The following BTBD9 variants were observed in gnomAD, a reference collection of about 807,000 sequenced individuals.
BTBD9 encodes BTB domain containing 9, also known as BTB/POZ domain-containing protein 9.
A neutral mutation model predicts 64.3 loss-of-function variants in BTBD9; 49 were observed. That is an observed-to-expected ratio of 0.76 (90% CI 0.61 to 0.97). The LOEUF (loss-of-function observed/expected upper bound fraction) is 0.97. Among genes scored for constraint, BTBD9 ranks in the 50% least tolerant of loss-of-function variants. The pLI, the probability that BTBD9 is intolerant of heterozygous loss-of-function variation, is 0.00. For synonymous variants in BTBD9, 260 were observed against 274.7 expected (o/e 0.95, Z 0.53); for missense variants, 598 against 762.1 (o/e 0.78, Z 2.53).
At chr6:38,307,470 C>G (rs12529549) in intron 7 of BTBD9, among the ~76,000 whole-genome samples, 15,105 of 152,210 alleles carry the variant, frequency 0.099, 1,789 homozygotes, top group East Asian at 0.41. Flanking sequence ...GTTTCCCCCA[C>G]CTGCTTCTGT....
Position 38,354,634 on chromosome 6 carries a change from C to G in BTBD9, c.1155-9541G>C, listed in dbSNP as rs188878814. Reference sequence around the variant, plus strand: ...ATTGAAGTCCCACCTATGCCACATACTATCCCTAGACTGCTTCAATTTTCA... The same window carrying G: ...ATTGAAGTCCCACCTATGCCACATAGTATCCCTAGACTGCTTCAATTTTCA... On this transcript the variant is annotated intron_variant, in intron 6 of 10. Transcript: ENST00000481247. Among the ~76,000 whole-genome samples, 271 of 152,212 alleles carry G rather than the reference C, an allele frequency of 1.8e-3. 1 individual carries two copies. The highest frequency in any genetic ancestry group is 5.9e-3 in the African/African-American group (247 of 41,540).
At chr6:38,490,285 A>C (rs1375754168) in intron 6 of BTBD9, among the ~76,000 whole-genome samples, 2 of 152,174 alleles carry the variant, frequency 1.3e-5, no homozygotes, top group Non-Finnish European at 2.9e-5. Flanking sequence ...ACAAAATGAA[A>C]GGTATGGACA....
At chr6:38,535,850 T>C (rs912738042) in intron 6 of BTBD9, among the ~76,000 whole-genome samples, 9 of 151,998 alleles carry the variant, frequency 5.9e-5, no homozygotes, top group African/African-American at 2.4e-5. Context: ...CAAGTCAAAA[T>C]GGATTAAAGA....
intron 7 of BTBD9, among the ~76,000 whole-genome samples, chr6:38,311,393 T>G (rs965784124): frequency 6.6e-6 from 1 of 152,182 alleles, no homozygotes; most frequent in Non-Finnish European, 1.5e-5. Flanking sequence ...TCCACGTTGT[T>G]GCAAATGACA....
At chr6:38,605,501 T>C (rs1364773685) in intron 1 of BTBD9, among the ~76,000 whole-genome samples, 2 of 152,218 alleles carry the variant, frequency 1.3e-5, no homozygotes, top group Admixed American at 1.3e-4. Context: ...TCCTTACTTG[T>C]GCATGGGAAG....
At chr6:38,291,498 C>G (rs1464826712) in intron 7 of BTBD9, among the ~76,000 whole-genome samples, 1 of 152,118 alleles carries the variant, frequency 6.6e-6, no homozygotes, top group Non-Finnish European at 1.5e-5. Flanking sequence ...CTTTCTCTAG[C>G]CTGATTGCCC....
At position 38,594,275 on chromosome 6, in the gene BTBD9, G is replaced by A. The variant is rs759613231; in HGVS notation, c.238C>T (p.Leu80Phe). 4 of 1,614,104 alleles carry A rather than the reference G, an allele frequency of 2.5e-6. No individual in the cohort carries two copies. Among genetic ancestry groups the A allele is most frequent in the Non-Finnish European group, 2.5e-6 (3 of 1,179,946 alleles). ...AATGCTTCTGCAGTGGTGTCTTGGA[G>A]AGGAATTTCTGCTTCAGGCTGAGAC... ...RESQPEAEIP[L>F]QDTTAEAFTM... Residue 80 changes from leucine to phenylalanine, a missense_variant, in exon 3 of 11, where the codon CTC becomes TTC. Coordinates refer to ENST00000481247, the MANE Select transcript of BTBD9 (RefSeq NM_001099272.2).
intron 9 of BTBD9, among the ~76,000 whole-genome samples, chr6:38,195,993 T>C (rs969009689): frequency 1.3e-5 from 2 of 152,248 alleles, no homozygotes; most frequent in African/African-American, 4.8e-5. Context: ...TCTTGCCTAT[T>C]GTCCAAGGAT....
At chr6:38,368,687 C>T (rs1454661995) in intron 6 of BTBD9, among the ~76,000 whole-genome samples, 3 of 152,066 alleles carry the variant, frequency 2.0e-5, no homozygotes, top group South Asian at 2.1e-4. Flanking sequence ...AGTTATGAAC[C>T]CCCTTCTTGC....
chr6:38,436,525 G>A (rs921906892), intron 6 of BTBD9, among the ~76,000 whole-genome samples: 9 of 151,572 alleles, frequency 5.9e-5, no homozygotes, highest in Admixed American at 3.3e-4. Context: ...ATAGGCGTGC[G>A]AAACCACGCC....
intron 6 of BTBD9, among the ~76,000 whole-genome samples, chr6:38,375,233 G>C (rs1323437484): frequency 6.6e-6 from 1 of 152,096 alleles, no homozygotes; most frequent in African/African-American, 2.4e-5. Context: ...ACACAGACTT[G>C]GTCAAAGTCA....
chr6:38,203,248 T>C (rs895996662), intron 9 of BTBD9, among the ~76,000 whole-genome samples: 3 of 152,196 alleles, frequency 2.0e-5, no homozygotes, highest in African/African-American at 7.2e-5. Context: ...ACAGAAACCA[T>C]GGAAAACAGT....
intron 9 of BTBD9, among the ~76,000 whole-genome samples, chr6:38,238,824 C>G (rs1561912650): frequency 1.3e-5 from 2 of 152,084 alleles, no homozygotes; most frequent in Admixed American, 6.5e-5. Flanking sequence ...AGGTTTCAGA[C>G]AGAATAGACT....
chr6:38,432,941 T>A (rs1239841464), intron 6 of BTBD9, among the ~76,000 whole-genome samples: 4 of 152,036 alleles, frequency 2.6e-5, no homozygotes, highest in Non-Finnish European at 5.9e-5. Context: ...GTGAATTGGT[T>A]TTCTCTGTGC....
In BTBD9 at chr6:38,289,347, C is replaced by G. The variant is rs149341107; in HGVS notation, c.1265-886G>C. ...CGAGGTCATGCCACTGTCCTCCAGC[C>G]TTAATAACACGGTGAGACTCCCTCT... is the stretch of plus-strand genomic sequence containing the variant. On this transcript the variant is annotated intron_variant, in intron 7 of 10. Coordinates refer to ENST00000481247, the MANE Select transcript of BTBD9 (RefSeq NM_001099272.2). Among the ~76,000 whole-genome samples the G allele has an allele frequency of 3.7e-3, 568 of 152,240 alleles. 3 individuals are homozygous for G. Among genetic ancestry groups the G allele is most frequent in the African/African-American group, 0.013 (526 of 41,534 alleles).
At chr6:38,382,029 A>C (rs1765955818) in intron 6 of BTBD9, among the ~76,000 whole-genome samples, 1 of 152,226 alleles carries the variant, frequency 6.6e-6, no homozygotes, top group Non-Finnish European at 1.5e-5. Flanking sequence ...AATGAAAATC[A>C]ACTAAAGTAC....
chr6:38,298,272 TTTTAGACAAGCATACCAGATTTAA>T, intron 7 of BTBD9, among the ~76,000 whole-genome samples: 1 of 152,278 alleles, frequency 6.6e-6, no homozygotes, highest in Admixed American at 6.5e-5. Flanking sequence ...GTCTCTTAAA[TTTTAGACAAGCATACCAGATTTAA>T]TAATCTCTAA....
chr6:38,198,668 G>C (rs975948501), intron 9 of BTBD9, among the ~76,000 whole-genome samples: 2 of 152,206 alleles, frequency 1.3e-5, no homozygotes, highest in Non-Finnish European at 2.9e-5. Flanking sequence ...GAACACTGGG[G>C]AGACAGAGAC....
At chr6:38,284,845 G>A (rs1761668557) in intron 8 of BTBD9, among the ~76,000 whole-genome samples, 1 of 152,160 alleles carries the variant, frequency 6.6e-6, no homozygotes, top group African/African-American at 2.4e-5. Context: ...AGGTAAAAAA[G>A]GAGGTAATGA....
Sources: gnomAD v4.1 joint callset for allele counts (sites outside exome capture counted in the v4.1 genomes callset) on GRCh38, gnomAD v4.1.1 for gene constraint, MANE v1.5 for transcripts, NCBI Gene and HGNC (gene_info 2026-07-23, HGNC 2026-07-21) for gene names.